Variants in ZNF563 observed in about 807,000 individuals in gnomAD.
The protein encoded by ZNF563 is zinc finger protein 563.
A neutral mutation model predicts 48.5 loss-of-function variants in ZNF563; 39 were observed. The observed-to-expected ratio is 0.80, with a 90% CI of 0.62 to 1.05. The LOEUF is 1.05. ZNF563 is among the 50% of genes least tolerant of loss of function. The pLI, the probability that ZNF563 is intolerant of heterozygous loss-of-function variation, is 0.00. For synonymous variants in ZNF563, 168 were observed against 187.9 expected (o/e 0.89, Z 0.87); for missense variants, 538 against 597.0 (o/e 0.90, Z 1.03).
At chr19:12,326,370 G>T (rs1968795600) in intron 1 of ZNF563, among the ~76,000 whole-genome samples, 1 of 152,154 alleles carries the variant, frequency 6.6e-6, no homozygotes. Context: ...GAGGCCAGGT[G>T]CGGCAGCTCA....
At chr19:12,341,836 C>A in the ZNF563 span, among the ~76,000 whole-genome samples, 2 of 152,040 alleles carry the variant, frequency 1.3e-5, no homozygotes, top group Non-Finnish European at 2.9e-5. Flanking sequence ...GAAATAACTT[C>A]AACAACACAA....
At chr19:12,333,361 G>C in intron 1 of ZNF563, 119 bp downstream of exon 1, 5 of 1,380,436 alleles carry the variant, frequency 3.6e-6, no homozygotes, top group South Asian at 1.3e-5. Flanking sequence ...GCGCCAGGGG[G>C]ACTCGGGTCC....
upstream of ZNF563, among the ~76,000 whole-genome samples, chr19:12,334,022 C>T (rs966803188): frequency 6.6e-6 from 1 of 152,158 alleles, no homozygotes; most frequent in Non-Finnish European, 1.5e-5. Context: ...GGAGCCATTC[C>T]CCTGGCCTCA....
the ZNF563 span, among the ~76,000 whole-genome samples, chr19:12,345,508 T>G: frequency 6.6e-6 from 1 of 152,186 alleles, no homozygotes; most frequent in Admixed American, 6.5e-5. Context: ...AAAATGGTGT[T>G]GGGAAAACTG....
intron 1 of ZNF563, among the ~76,000 whole-genome samples, chr19:12,325,493 A>G (rs1968771692): frequency 6.6e-6 from 1 of 151,052 alleles, no homozygotes; most frequent in Non-Finnish European, 1.5e-5. Flanking sequence ...AAAAAGACAT[A>G]CATTAGCCCA....
At chr19:12,333,096 A>C (rs1968962488) in intron 1 of ZNF563, among the ~76,000 whole-genome samples, 1 of 152,214 alleles carries the variant, frequency 6.6e-6, no homozygotes, top group African/African-American at 2.4e-5. Context: ...CTTTAGGAAG[A>C]AAACAGAGAC....
chr19:12,319,190 T>A lies in ZNF563; in HGVS notation c.835A>T (p.Lys279Ter). 6.2e-7 allele frequency: 1 copy of A among 1,614,212 alleles called. No homozygotes were observed. The highest frequency in any genetic ancestry group is 8.5e-7 in the Non-Finnish European group (1 of 1,180,036). Residue 279 changes from lysine to a stop codon, truncating the protein, a stop_gained, in exon 4 of 4, where the codon AAA becomes TAA. Coordinates refer to ENST00000293725, the MANE Select transcript of ZNF563 (RefSeq NM_145276.3). LOFTEE classifies it high-confidence loss of function. ...CCACACTGTTTACATGTATATGGTT[T>A]CTCTCCAGTGTGAGTTCTTTCATGT... ...IRHERTHTGE[K>*]PYTCKQCGKA...
At chr19:12,344,364 A>G in the ZNF563 span, among the ~76,000 whole-genome samples, 2 of 134,398 alleles carry the variant, frequency 1.5e-5, no homozygotes, top group African/African-American at 7.1e-5. Context: ...CATTGTCTCA[A>G]AAAAAAAAAA....
chr19:12,325,879 C>A (rs1378457149), intron 1 of ZNF563, among the ~76,000 whole-genome samples: 1 of 152,214 alleles, frequency 6.6e-6, no homozygotes, highest in Non-Finnish European at 1.5e-5. Flanking sequence ...ACAGAGACTT[C>A]AGTGTGTACA....
In ZNF563 at chr19:12,319,103, G is replaced by A. The variant is rs781673156; in HGVS notation, c.922C>T (p.Pro308Ser). 1 of 1,614,118 alleles carries A rather than the reference G, an allele frequency of 6.2e-7. No homozygotes were observed. The highest frequency in any genetic ancestry group is 8.5e-7 in the Non-Finnish European group (1 of 1,180,018). ...RHETTHSAEK[P>S]YECKQCGKTF... ...TTCCCGCATTGCTTACACTCATAGG[G>A]TTTCTCTGCACTGTGAGTGGTTTCA... The change falls in exon 4 of 4, where the codon CCC becomes TCC. Residue 308 changes from proline to serine, a missense_variant. Physicochemically the swap from Pro to Ser is moderately conservative, Grantham distance 74 (BLOSUM62 -1). Coordinates refer to ENST00000293725, the MANE Select transcript of ZNF563 (RefSeq NM_145276.3).
chr19:12,318,853 C>T lies in ZNF563; in HGVS notation c.1172G>A (p.Gly391Glu), dbSNP rs1968508539. The T allele has an allele frequency of 6.2e-7, 1 of 1,613,996 alleles. No individual in the cohort carries two copies. Among genetic ancestry groups the T allele is most frequent in the East Asian group, 2.2e-5 (1 of 44,878 alleles). The part of the protein sequence containing the change: ...RRHMIMHTGG[G>E]PHKCKICGKA... ...CCCACATATCTTGCATTTATGAGGT[C>T]CACCTCCAGTGTGCATTATCATGTG... The change falls in exon 4 of 4, where the codon GGA (glycine) becomes GAA (glutamate). Residue 391 changes from glycine to glutamate, a missense_variant. Physicochemically the swap from Gly to Glu is moderately conservative, Grantham distance 98. Transcript: ENST00000293725.
At chr19:12,339,117 T>C in the ZNF563 span, among the ~76,000 whole-genome samples, 2 of 152,060 alleles carry the variant, frequency 1.3e-5, no homozygotes, top group Non-Finnish European at 2.9e-5. Flanking sequence ...CATCTCGTTG[T>C]GATGTTTACA....
chr19:12,330,436 T>TTA lies in ZNF563; in HGVS notation c.3+3042_3+3043dup, dbSNP rs201983843. 6.1e-4 allele frequency among the ~76,000 whole-genome samples: 93 copies of TTA among 152,248 alleles called. No homozygotes were observed. The East Asian group carries it at 0.017, about 28-fold the overall frequency. On this transcript the variant is annotated intron_variant, in intron 1 of 3. Coordinates refer to ENST00000293725, the MANE Select transcript of ZNF563 (RefSeq NM_145276.3). ...ACAACTGTTGTTTAAGGCACGTAGT[T>TTA]TATGGCAATCTGGTATAGCAATCCT...
chr19:12,331,678 T>C (rs1206111909), intron 1 of ZNF563, among the ~76,000 whole-genome samples: 2 of 152,182 alleles, frequency 1.3e-5, no homozygotes, highest in African/African-American at 4.8e-5. Flanking sequence ...GCCCCAGCCC[T>C]GCATCTCAGG....
At chr19:12,342,921 G>T in the ZNF563 span, among the ~76,000 whole-genome samples, 222 of 152,200 alleles carry the variant, frequency 1.5e-3, 4 homozygotes, top group Admixed American at 0.013. Flanking sequence ...TAATTGCCTG[G>T]GTGCGGTGGG....
At chr19:12,341,945 G>C in the ZNF563 span, among the ~76,000 whole-genome samples, 1 of 152,200 alleles carries the variant, frequency 6.6e-6, no homozygotes, top group Non-Finnish European at 1.5e-5. Context: ...CGCTCTCTAA[G>C]ACAGACCATA....
Position 12,319,646 on chromosome 19 carries a change from CA to C in ZNF563, c.378del (p.Gly127AspfsTer63). On this transcript the variant is annotated frameshift_variant, in exon 4 of 4. Coordinates refer to ENST00000293725, the MANE Select transcript of ZNF563 (RefSeq NM_145276.3). LOFTEE classifies it high-confidence loss of function. ...LSLNSHIRVDSGHKPHEYQEY... is the reference protein window; with the variant it reads ...LSLNSHIRVDXGHKPHEYQEY... ...TCCTGATACTCATGTGGTTTGTGTC[CA>C]GAATCAACTCTGATGTGGCTATTAA... The C allele has an allele frequency of 6.2e-7, 1 of 1,614,088 alleles. No homozygotes were observed. The highest frequency in any genetic ancestry group is 8.5e-7 in the Non-Finnish European group (1 of 1,180,018).
At chr19:12,336,193 C>T (rs1969018907), upstream of ZNF563, among the ~76,000 whole-genome samples, 1 of 151,722 alleles carries the variant, frequency 6.6e-6, no homozygotes, top group Non-Finnish European at 1.5e-5. Flanking sequence ...GGGCATGGTG[C>T]CTTGGGCCTG....
chr19:12,345,791 A>T, the ZNF563 span, among the ~76,000 whole-genome samples: 1 of 152,058 alleles, frequency 6.6e-6, no homozygotes, highest in Non-Finnish European at 1.5e-5. Flanking sequence ...GGGTGCCTAT[A>T]ATCCCAGCTA....
Sources: allele counts gnomAD v4.1 joint callset (sites outside exome capture counted in the v4.1 genomes callset), GRCh38; gene constraint gnomAD v4.1.1; transcripts MANE v1.5; gene names NCBI Gene and HGNC (gene_info 2026-07-23, HGNC 2026-07-21).